The following IGSF21 variants were observed in gnomAD, a reference collection of about 807,000 sequenced individuals.
The protein encoded by IGSF21 is immunoglobulin superfamily member 21.
A neutral mutation model predicts 46.8 loss-of-function variants in IGSF21; 28 were observed. That is an observed-to-expected ratio of 0.60 (90% confidence interval 0.44 to 0.82). IGSF21 has a LOEUF of 0.82. IGSF21 is among the 40% of genes least tolerant of loss of function. The pLI, the probability that IGSF21 is intolerant of heterozygous loss-of-function variation, is 0.00. For synonymous variants in IGSF21, 284 were observed against 273.6 expected (o/e 1.04, Z -0.38); for missense variants, 624 against 665.5 (o/e 0.94, Z 0.69).
At chr1:18,202,127 G>A (rs2087081634) in intron 1 of IGSF21, among the ~76,000 whole-genome samples, 2 of 152,152 alleles carry the variant, frequency 1.3e-5, no homozygotes, top group Non-Finnish European at 2.9e-5. Context: ...ATTCTGGAAA[G>A]TACATAAGAT....
chr1:18,195,236 C>T (rs1055265217), intron 1 of IGSF21, among the ~76,000 whole-genome samples: 11 of 152,170 alleles, frequency 7.2e-5, no homozygotes, highest in African/African-American at 2.2e-4. Flanking sequence ...TGGATTTGCA[C>T]CCAAGAGCGT....
At chr1:18,200,231 AAG>A (rs1227184109) in intron 1 of IGSF21, among the ~76,000 whole-genome samples, 5 of 152,366 alleles carry the variant, frequency 3.3e-5, no homozygotes, top group African/African-American at 1.2e-4. Context: ...TCTCCTGACA[AAG>A]AGAGTTTAAG....
chr1:18,213,406 A>T (rs1013226349), intron 1 of IGSF21, among the ~76,000 whole-genome samples: 1 of 152,208 alleles, frequency 6.6e-6, no homozygotes, highest in African/African-American at 2.4e-5. Flanking sequence ...CCATACAGTC[A>T]TTCAAGTACC....
At chr1:18,373,307 G>A (rs1419187567) in intron 6 of IGSF21, among the ~76,000 whole-genome samples, 1 of 152,308 alleles carries the variant, frequency 6.6e-6, no homozygotes, top group East Asian at 1.9e-4. Flanking sequence ...AAAGTCCGGA[G>A]ACTAAGAGCA....
At chr1:18,347,282 G>A (rs1285994723) in intron 4 of IGSF21, among the ~76,000 whole-genome samples, 1 of 152,128 alleles carries the variant, frequency 6.6e-6, no homozygotes, top group East Asian at 1.9e-4. Flanking sequence ...CCTACAGCCT[G>A]CAGGGCAGAG....
Position 18,376,368 on chromosome 1 carries a change from A to G in IGSF21, c.1074A>G (p.Thr358=). ...CCAGCAGAGCCCGGGTAGGGGACAC[A>G]GTGAGGATTCTGGTCCATGGGTTTC... ...MTPSRARVGD[T]VRILVHGFQN... Residue 358 remains threonine (T), a synonymous_variant, in exon 7 of 10, where the codon ACA becomes ACG. Coordinates refer to ENST00000251296, the MANE Select transcript of IGSF21 (RefSeq NM_032880.5). The G allele has an allele frequency of 6.2e-7, 1 of 1,613,980 alleles. No individual in the cohort carries two copies. The highest frequency in any genetic ancestry group is 2.2e-5 in the East Asian group (1 of 44,860).
rs140302039 is a variant in IGSF21 at position 18,152,188 on chromosome 1, G to T, written c.70+43990G>T. 9.2e-5 allele frequency among the ~76,000 whole-genome samples: 14 copies of T among 152,316 alleles called. No individual in the cohort carries two copies. In the East Asian group the frequency reaches 2.7e-3, roughly 29 times the overall value. On this transcript the variant is annotated intron_variant, in intron 1 of 9. Coordinates refer to ENST00000251296, the MANE Select transcript of IGSF21 (RefSeq NM_032880.5). ...GTCTCACAGATTCCTTTTGAGGACC[G>T]ACTGCACATTCATCCACAGTGCTCC...
At chr1:18,285,074 G>T (rs1317719724) in intron 2 of IGSF21, among the ~76,000 whole-genome samples, 1 of 152,186 alleles carries the variant, frequency 6.6e-6, no homozygotes, top group African/African-American at 2.4e-5. Flanking sequence ...TGGCGGGATT[G>T]GCCCATAAGT....
At chr1:18,182,454 C>T (rs1455294797) in intron 1 of IGSF21, among the ~76,000 whole-genome samples, 2 of 152,186 alleles carry the variant, frequency 1.3e-5, no homozygotes, top group Admixed American at 6.5e-5. Context: ...GCTAGGATTA[C>T]AGGCATTAGC....
At chr1:18,234,611 G>A (rs1384203390) in intron 2 of IGSF21, among the ~76,000 whole-genome samples, 1 of 152,106 alleles carries the variant, frequency 6.6e-6, no homozygotes, top group African/African-American at 2.4e-5. Context: ...AAGGGGAAGC[G>A]AACACGTCCT....
At chr1:18,325,893 C>A (rs2085652743) in intron 3 of IGSF21, among the ~76,000 whole-genome samples, 1 of 152,156 alleles carries the variant, frequency 6.6e-6, no homozygotes, top group African/African-American at 2.4e-5. Flanking sequence ...CGGGGATAGG[C>A]AGCAGCCAGG....
Position 18,129,661 on chromosome 1 carries a change from G to A in IGSF21, c.70+21463G>A, listed in dbSNP as rs558701256. ...AAGCAGCCTCAGCAGGTGCAGTCTCGTATCGACCCAGCAACCCCTCATGGT... is the reference window on the plus strand; with the variant it reads ...AAGCAGCCTCAGCAGGTGCAGTCTCATATCGACCCAGCAACCCCTCATGGT... On this transcript the variant is annotated intron_variant, in intron 1 of 9. Transcript: ENST00000251296. Among the ~76,000 whole-genome samples the A allele has an allele frequency of 2.6e-5, 4 of 152,298 alleles. No individual in the cohort carries two copies. The South Asian group carries it at 8.3e-4, about 32-fold the overall frequency.
intron 3 of IGSF21, among the ~76,000 whole-genome samples, chr1:18,314,537 C>T (rs1313300683): frequency 6.6e-6 from 1 of 152,188 alleles, no homozygotes; most frequent in Non-Finnish European, 1.5e-5. Context: ...TACAGGAACT[C>T]ACTTAAACCT....
chr1:18,247,915 T>C (rs1169313830), intron 2 of IGSF21, among the ~76,000 whole-genome samples: 5 of 152,108 alleles, frequency 3.3e-5, no homozygotes, highest in Non-Finnish European at 5.9e-5. Flanking sequence ...TACACTCTCA[T>C]TTAGTACCTT....
intron 1 of IGSF21, among the ~76,000 whole-genome samples, chr1:18,153,307 C>A (rs1222010864): frequency 6.6e-6 from 1 of 152,238 alleles, no homozygotes; most frequent in East Asian, 1.9e-4. Flanking sequence ...CCATTAGCAT[C>A]CACACACGGC....
chr1:18,140,231 C>T (rs1397626646), intron 1 of IGSF21, among the ~76,000 whole-genome samples: 1 of 152,224 alleles, frequency 6.6e-6, no homozygotes, highest in Non-Finnish European at 1.5e-5. Flanking sequence ...CACGCAGCTT[C>T]CTTGCTGTTG....
chr1:18,181,097 G>A (rs2086852967), intron 1 of IGSF21, among the ~76,000 whole-genome samples: 1 of 152,148 alleles, frequency 6.6e-6, no homozygotes, highest in South Asian at 2.1e-4. Flanking sequence ...ACCAGGGAAG[G>A]GAATGAGCCC....
intron 1 of IGSF21, among the ~76,000 whole-genome samples, chr1:18,161,009 C>T (rs545505640): frequency 6.2e-4 from 94 of 152,270 alleles, no homozygotes; most frequent in Middle Eastern, 3.4e-3. Context: ...AGGGGACCAA[C>T]TGTAGAGCTT....
At chr1:18,353,318 GGA>G (rs901290821) in intron 4 of IGSF21, among the ~76,000 whole-genome samples, 2 of 151,946 alleles carry the variant, frequency 1.3e-5, no homozygotes, top group Non-Finnish European at 2.9e-5. Flanking sequence ...GGATGGGGCT[GGA>G]GATTTCAGCC....
Sources: allele counts gnomAD v4.1 joint callset (sites outside exome capture counted in the v4.1 genomes callset), GRCh38; gene constraint gnomAD v4.1.1; transcripts MANE v1.5; gene names NCBI Gene and HGNC (gene_info 2026-07-23, HGNC 2026-07-21).